GAN: variants seen among roughly 807,000 people sequenced by gnomAD.
GAN encodes gigaxonin.
Under a neutral mutation model 71.3 loss-of-function variants are expected in GAN, and 48 were observed. That is an observed-to-expected ratio of 0.67 (90% CI 0.53 to 0.86). The LOEUF (loss-of-function observed/expected upper bound fraction) is 0.86. Among genes scored for constraint, GAN ranks in the 40% least tolerant of loss-of-function variants. GAN has a pLI of 0.00. For missense variants in GAN, 928 were observed against 770.1 expected, an observed-to-expected ratio of 1.21 and a Z score of -2.43; for synonymous variants, 386 against 276.8, an observed-to-expected ratio of 1.39 and a Z score of -3.92.
chr16:81,354,591 C>G lies in GAN; in HGVS notation c.469C>G (p.Leu157Val). The change falls in exon 3 of 11, where the codon CTG becomes GTG. Residue 157 changes from leucine to valine, a missense_variant. By Grantham distance (32) the Leu-to-Val change is conservative. Coordinates refer to ENST00000648994, the MANE Select transcript of GAN (RefSeq NM_022041.4). Reference protein sequence around the residue: ...HHVHYLATEYLETHFRDVSST... With the variant: ...HHVHYLATEYVETHFRDVSST... Reference sequence around the variant, plus strand: ...CGTTCATTACCTTGCCACAGAATACCTGGAGACTCATTTCCGAGACGTCAG... The same window carrying G: ...CGTTCATTACCTTGCCACAGAATACGTGGAGACTCATTTCCGAGACGTCAG... The G allele has an allele frequency of 6.2e-7, 1 of 1,614,130 alleles. No individual in the cohort carries two copies. Among genetic ancestry groups the G allele is most frequent in the South Asian group, 1.1e-5 (1 of 91,088 alleles).
chr16:81,318,616 A>C (rs1377844534), intron 1 of GAN, among the ~76,000 whole-genome samples: 1 of 152,260 alleles, frequency 6.6e-6, no homozygotes. Context: ...CTTGTTTGGC[A>C]TACTTTCTAC....
At chr16:81,345,883 C>T (rs1332609695) in intron 1 of GAN, among the ~76,000 whole-genome samples, 1 of 152,204 alleles carries the variant, frequency 6.6e-6, no homozygotes, top group East Asian at 1.9e-4. Flanking sequence ...ACCGTTCCAC[C>T]TCAGATCATC....
At chr16:81,366,614 A>C (rs949352875) in intron 9 of GAN, among the ~76,000 whole-genome samples, 2 of 152,252 alleles carry the variant, frequency 1.3e-5, no homozygotes, top group Non-Finnish European at 2.9e-5. Flanking sequence ...CTGCAAATGC[A>C]TGTAAATGCT....
chr16:81,335,167 C>G (rs976049156), intron 1 of GAN, among the ~76,000 whole-genome samples: 3 of 150,652 alleles, frequency 2.0e-5, no homozygotes, highest in Non-Finnish European at 4.4e-5. Context: ...GAGGGGTGTT[C>G]CAGGCAGGGA....
chr16:81,361,563 G>A (rs1016169578), intron 5 of GAN, among the ~76,000 whole-genome samples: 4 of 152,148 alleles, frequency 2.6e-5, no homozygotes, highest in Admixed American at 2.0e-4. Flanking sequence ...CAGGACAAAA[G>A]GTTTAAATTT....
chr16:81,329,677 A>G (rs1323194638), intron 1 of GAN, among the ~76,000 whole-genome samples: 1 of 152,042 alleles, frequency 6.6e-6, no homozygotes, highest in Admixed American at 6.5e-5. Flanking sequence ...TATTTTGTTG[A>G]TACTTGGTCT....
At chr16:81,326,408 C>T (rs748059899) in intron 1 of GAN, among the ~76,000 whole-genome samples, 177 of 151,538 alleles carry the variant, frequency 1.2e-3, no homozygotes, top group Non-Finnish European at 2.2e-3. Context: ...TGGCACATGC[C>T]TGTAATCCCA....
chr16:81,346,000 T>C (rs1315741126), intron 1 of GAN, among the ~76,000 whole-genome samples: 1 of 152,234 alleles, frequency 6.6e-6, no homozygotes, highest in Admixed American at 6.5e-5. Context: ...CGCAAGCAAG[T>C]ACAGCTAGCT....
At chr16:81,322,714 A>G (rs55814097) in intron 1 of GAN, among the ~76,000 whole-genome samples, 4,437 of 152,328 alleles carry the variant, frequency 0.029, 121 homozygotes, top group Non-Finnish European at 0.039. Context: ...ACATAGTTTT[A>G]TGGTCCTATT....
At chr16:81,360,300 T>G (rs1482628857) in intron 5 of GAN, among the ~76,000 whole-genome samples, 1 of 152,236 alleles carries the variant, frequency 6.6e-6, no homozygotes. Context: ...GTCATTATTT[T>G]GTCTTCATTC....
At chr16:81,358,734 T>A (rs1316131619) in intron 5 of GAN, among the ~76,000 whole-genome samples, 1 of 152,228 alleles carries the variant, frequency 6.6e-6, no homozygotes, top group Non-Finnish European at 1.5e-5. Context: ...AAAACTGCTC[T>A]ACTTTATCCA....
chr16:81,315,439 C>G (rs1477687326), intron 1 of GAN, among the ~76,000 whole-genome samples, 159 bp downstream of exon 1: 1 of 151,820 alleles, frequency 6.6e-6, no homozygotes, highest in Non-Finnish European at 1.5e-5. Context: ...AGCGCCGGAA[C>G]CCGGCCCCGC....
At position 81,387,874 on chromosome 16, in the gene GAN, C is replaced by G. The variant is rs987237516; in HGVS notation, c.*10278C>G. On this transcript the variant is annotated 3_prime_UTR_variant, in exon 11 of 11. Transcript: ENST00000648994. ...CTCAGAAATAGGGGAAACACGGGAT[C>G]AAGATCATTAGAGATTTATAGGCTG... is the stretch of plus-strand genomic sequence containing the variant. 5 of 152,108 alleles carry G rather than the reference C, an allele frequency of 3.3e-5. No homozygotes were observed. The highest frequency in any genetic ancestry group is 1.2e-4 in the African/African-American group (5 of 41,414). 9.4% of individuals were successfully genotyped at this position (152,108 alleles called of 1,614,324 possible).
At chr16:81,321,404 T>C (rs374010496) in intron 1 of GAN, among the ~76,000 whole-genome samples, 3 of 152,230 alleles carry the variant, frequency 2.0e-5, no homozygotes, top group African/African-American at 4.8e-5. Context: ...CCTCTTCTTA[T>C]AGTTTGCATT....
chr16:81,347,190 C>G (rs1033357417), intron 1 of GAN, among the ~76,000 whole-genome samples: 1 of 152,064 alleles, frequency 6.6e-6, no homozygotes, highest in Non-Finnish European at 1.5e-5. Flanking sequence ...AAGCATCAGG[C>G]AAATAGATAC....
chr16:81,327,338 G>A, intron 1 of GAN, among the ~76,000 whole-genome samples: 1 of 152,200 alleles, frequency 6.6e-6, no homozygotes, highest in East Asian at 1.9e-4. Flanking sequence ...GTGGTTTTCA[G>A]ATGGAGCTTA....
intron 3 of GAN, 86 bp downstream of exon 3, chr16:81,354,841 A>G (rs1910433570): frequency 1.3e-6 from 1 of 779,946 alleles, no homozygotes; most frequent in Non-Finnish European, 2.2e-6. Flanking sequence ...CTTCTTCATC[A>G]TGAAAGACTT....
chr16:81,330,207 A>T (rs528965689), intron 1 of GAN, among the ~76,000 whole-genome samples: 1 of 152,336 alleles, frequency 6.6e-6, no homozygotes, highest in East Asian at 1.9e-4. Context: ...AGCCCCCGTC[A>T]GTCTCCACAC....
intron 1 of GAN, among the ~76,000 whole-genome samples, chr16:81,340,290 A>G (rs1332366236): frequency 6.6e-6 from 1 of 152,216 alleles, no homozygotes; most frequent in Non-Finnish European, 1.5e-5. Flanking sequence ...AACATATGAC[A>G]GTAGAATAAT....
Sources: gnomAD v4.1 joint callset for allele counts (sites outside exome capture counted in the v4.1 genomes callset) on GRCh38, gnomAD v4.1.1 for gene constraint, MANE v1.5 for transcripts, NCBI Gene and HGNC (gene_info 2026-07-23, HGNC 2026-07-21) for gene names.